NCK2: variants seen among roughly 807,000 people sequenced by gnomAD.
NCK2 encodes the protein NCK adaptor protein 2.
Under a neutral mutation model 33.9 loss-of-function variants are expected in NCK2, and 16 were observed. The observed-to-expected ratio is 0.47, with a 90% CI of 0.32 to 0.72. The LOEUF (loss-of-function observed/expected upper bound fraction) is 0.72. Among genes scored for constraint, NCK2 ranks in the 30% least tolerant of loss-of-function variants. The probability of loss-of-function intolerance (pLI) is 0.03; values close to 1 mark genes in which losing one functional copy is unlikely to be tolerated. For missense variants in NCK2, 418 were observed against 537.3 expected (o/e 0.78, Z 2.19); for synonymous variants, 273 against 239.9 (o/e 1.14, Z -1.27).
chr2:105,819,448 A>G (rs1373522964), intron 2 of NCK2, among the ~76,000 whole-genome samples: 2 of 152,208 alleles, frequency 1.3e-5, no homozygotes, highest in East Asian at 1.9e-4. Context: ...GAAATGACAG[A>G]TCTTCTGATT....
chr2:105,890,334 G>A (rs1678918139), intron 4 of NCK2, among the ~76,000 whole-genome samples: 1 of 152,034 alleles, frequency 6.6e-6, no homozygotes, highest in South Asian at 2.1e-4. Context: ...ATTAAAATTG[G>A]GTGTATCTTA....
intron 1 of NCK2, among the ~76,000 whole-genome samples, chr2:105,789,401 T>C (rs542386082): frequency 1.3e-5 from 2 of 152,164 alleles, no homozygotes; most frequent in Non-Finnish European, 2.9e-5. Context: ...TTGGCCAGGC[T>C]GGTCTCCCAA....
At chr2:105,838,096 ACAGTCCTTTTTTTTTTTGTAC>A (rs1323887697) in intron 2 of NCK2, among the ~76,000 whole-genome samples, 1 of 140,184 alleles carries the variant, frequency 7.1e-6, no homozygotes, top group Non-Finnish European at 1.6e-5. Flanking sequence ...TTTAACTAGA[ACAGTCCTTTTTTTTTTTGTAC>A]CAGCAATAGA....
chr2:105,826,824 G>T (rs1361286918), intron 2 of NCK2, among the ~76,000 whole-genome samples: 2 of 151,952 alleles, frequency 1.3e-5, no homozygotes, highest in Non-Finnish European at 2.9e-5. Flanking sequence ...ATATGTATGT[G>T]TGTGTATATA....
chr2:105,859,987 T>G (rs1677448525), intron 3 of NCK2, among the ~76,000 whole-genome samples: 1 of 152,146 alleles, frequency 6.6e-6, no homozygotes, highest in African/African-American at 2.4e-5. Flanking sequence ...AAATGTCAGT[T>G]CAAAACAACA....
intron 1 of NCK2, among the ~76,000 whole-genome samples, chr2:105,815,856 G>A (rs1435175931): frequency 6.6e-6 from 1 of 152,152 alleles, no homozygotes; most frequent in African/African-American, 2.4e-5. Flanking sequence ...CTTTCCAATG[G>A]GCAGACTCCC....
intron 4 of NCK2, among the ~76,000 whole-genome samples, chr2:105,884,452 CT>C (rs1407525799): frequency 6.6e-6 from 1 of 152,152 alleles, no homozygotes. Flanking sequence ...ATTTAATTTC[CT>C]TTTTTTCTTG....
At chr2:105,820,959 C>T (rs1282142469) in intron 2 of NCK2, among the ~76,000 whole-genome samples, 1 of 152,132 alleles carries the variant, frequency 6.6e-6, no homozygotes, top group Non-Finnish European at 1.5e-5. Flanking sequence ...AGCAGTGAGC[C>T]TACACACATC....
intron 1 of NCK2, among the ~76,000 whole-genome samples, chr2:105,789,496 C>T (rs17208218): frequency 0.33 from 49,998 of 152,118 alleles, 9,413 homozygotes; most frequent in Middle Eastern, 0.43. Context: ...GCCTCACAAC[C>T]TTTTTTCAAT....
At chr2:105,758,192 T>A (rs965186599) in intron 1 of NCK2, among the ~76,000 whole-genome samples, 1 of 152,164 alleles carries the variant, frequency 6.6e-6, no homozygotes, top group South Asian at 2.1e-4. Flanking sequence ...TATTTTTTTT[T>A]AATTGATAAT....
At chr2:105,856,037 T>G (rs1018802627) in intron 3 of NCK2, among the ~76,000 whole-genome samples, 1 of 152,158 alleles carries the variant, frequency 6.6e-6, no homozygotes, top group South Asian at 2.1e-4. Context: ...GGTTTCACTG[T>G]GTTAGCCAGG....
At chr2:105,777,715 CTG>C (rs970813664) in intron 1 of NCK2, among the ~76,000 whole-genome samples, 5 of 152,160 alleles carry the variant, frequency 3.3e-5, no homozygotes, top group African/African-American at 1.2e-4. Context: ...ACTGTGGACA[CTG>C]TGGTTCTCTG....
chr2:105,746,143 T>A (rs375769001), intron 1 of NCK2, among the ~76,000 whole-genome samples: 4 of 152,228 alleles, frequency 2.6e-5, no homozygotes, highest in African/African-American at 9.6e-5. Context: ...GTTGGCAGAT[T>A]CCTCTTTATT....
At chr2:105,855,418 T>G (rs1677222040) in intron 3 of NCK2, 129 bp downstream of exon 3, 2 of 687,870 alleles carry the variant, frequency 2.9e-6, no homozygotes, top group South Asian at 4.3e-5. Flanking sequence ...TAGTTGTCTT[T>G]TTTAATAATC....
intron 1 of NCK2, among the ~76,000 whole-genome samples, chr2:105,791,122 C>A (rs1182254979): frequency 6.6e-6 from 1 of 152,142 alleles, no homozygotes; most frequent in Non-Finnish European, 1.5e-5. Context: ...GAAGCCCCTG[C>A]GGCCCTGGGC....
chr2:105,837,484 A>G (rs1269995094), intron 2 of NCK2, among the ~76,000 whole-genome samples: 1 of 152,140 alleles, frequency 6.6e-6, no homozygotes, highest in Non-Finnish European at 1.5e-5. Flanking sequence ...ATAGTGAATC[A>G]TGTGACTATA....
At chr2:105,879,827 C>G (rs961360239) in intron 3 of NCK2, among the ~76,000 whole-genome samples, 3 of 152,224 alleles carry the variant, frequency 2.0e-5, no homozygotes, top group African/African-American at 7.2e-5. Context: ...GCCCTTTACT[C>G]TAGTTTAAGG....
intron 3 of NCK2, chr2:105,856,556 C>T (rs999556099): frequency 6.6e-6 from 1 of 152,164 alleles, no homozygotes; most frequent in Middle Eastern, 3.2e-3. Context: ...GTGGGTGTTG[C>T]AAAATGTTCA....
chr2:105,788,324 A>G (rs1690753515), intron 1 of NCK2, among the ~76,000 whole-genome samples: 1 of 152,212 alleles, frequency 6.6e-6, no homozygotes, highest in Admixed American at 6.5e-5. Context: ...GCTTAAAAGT[A>G]GGTTAAAAGG....
Sources: gnomAD v4.1 joint callset for allele counts (sites outside exome capture counted in the v4.1 genomes callset) on GRCh38, gnomAD v4.1.1 for gene constraint, MANE v1.5 for transcripts, NCBI Gene and HGNC (gene_info 2026-07-23, HGNC 2026-07-21) for gene names.